The following TPST1 variants were observed in gnomAD, a reference collection of about 807,000 sequenced individuals.
TPST1 encodes the protein tyrosylprotein sulfotransferase 1.
TPST1 carries 20 observed loss-of-function variants against 34.8 expected under a neutral mutation model. The ratio of observed to expected loss-of-function variants is 0.57; its 90% CI spans 0.40 to 0.84. The LOEUF is 0.84. Ranked by LOEUF, TPST1 falls within the 40% of genes least tolerant of loss-of-function variation. TPST1 has a pLI of 0.00. For synonymous variants in TPST1, 152 were observed against 159.4 expected (o/e 0.95, Z 0.35); for missense variants, 353 against 455.5 (o/e 0.78, Z 2.05).
chr7:66,230,838 CAGGG>C (rs1789769764), intron 1 of TPST1, among the ~76,000 whole-genome samples: 1 of 152,160 alleles, frequency 6.6e-6, no homozygotes, highest in Admixed American at 6.5e-5. Flanking sequence ...TCTGTTTTGA[CAGGG>C]CGCTGATTGG....
intron 2 of TPST1, among the ~76,000 whole-genome samples, chr7:66,271,116 A>G (rs146271922): frequency 7.9e-5 from 12 of 152,116 alleles, no homozygotes; most frequent in Middle Eastern, 3.4e-3. Flanking sequence ...CCAATTTTAT[A>G]TGTTTCTATC....
chr7:66,345,607 A>G (rs775591006), intron 3 of TPST1, among the ~76,000 whole-genome samples: 1 of 151,778 alleles, frequency 6.6e-6, no homozygotes, highest in Non-Finnish European at 1.5e-5. Flanking sequence ...AACCTAGAGG[A>G]AAAAAAACAC....
intron 3 of TPST1, among the ~76,000 whole-genome samples, chr7:66,347,059 C>CTTTT (rs71051352): frequency 0.06 from 3,608 of 59,948 alleles, 1,244 homozygotes; most frequent in African/African-American, 0.1. Context: ...CTTTGCTTTT[C>CTTTT]TTTTTTTTTT....
intron 3 of TPST1, among the ~76,000 whole-genome samples, chr7:66,327,398 A>C (rs1275180854): frequency 1.3e-5 from 2 of 152,164 alleles, no homozygotes; most frequent in Non-Finnish European, 2.9e-5. Flanking sequence ...CCTGGTTGTA[A>C]GACTAGTCTT....
intron 3 of TPST1, among the ~76,000 whole-genome samples, chr7:66,348,864 G>A (rs1170456412): frequency 1.3e-5 from 2 of 152,200 alleles, no homozygotes; most frequent in Middle Eastern, 3.4e-3. Context: ...ATTTTTGCGT[G>A]AGCCTTTATT....
chr7:66,327,796 A>T (rs950208746), intron 3 of TPST1, among the ~76,000 whole-genome samples: 2 of 151,758 alleles, frequency 1.3e-5, no homozygotes, highest in Admixed American at 6.6e-5. Flanking sequence ...AAAAATGTAG[A>T]GTCCATAATG....
In TPST1 at chr7:66,241,216, C is replaced by T; in HGVS notation, c.791C>T (p.Ser264Leu). 1 of 1,613,934 alleles carries T rather than the reference C, an allele frequency of 6.2e-7. No individual in the cohort carries two copies. Among genetic ancestry groups the T allele is most frequent in the Non-Finnish European group, 8.5e-7 (1 of 1,179,902 alleles). The change falls in exon 2 of 6, where the codon TCA becomes TTA. Residue 264 changes from serine (S) to leucine (L), a missense_variant. Coordinates refer to ENST00000304842, the MANE Select transcript of TPST1 (RefSeq NM_003596.4). ...TTCCTCCAGATTCCATGGAACCACT[C>T]AGTATTGCACCATGAAGAGATGATT... ...LKFLQIPWNH[S>L]VLHHEEMIGK...
chr7:66,315,797 A>G (rs937128008), intron 3 of TPST1, among the ~76,000 whole-genome samples: 1 of 152,072 alleles, frequency 6.6e-6, no homozygotes, highest in Admixed American at 6.6e-5. Context: ...TCTAAGTTCA[A>G]TCAGGCAAGA....
chr7:66,251,254 A>T (rs1231243565), intron 2 of TPST1, among the ~76,000 whole-genome samples: 1 of 152,240 alleles, frequency 6.6e-6, no homozygotes, highest in African/African-American at 2.4e-5. Flanking sequence ...TATTATAATA[A>T]TAAGGATGAT....
At chr7:66,324,284 T>C (rs995343851) in intron 3 of TPST1, among the ~76,000 whole-genome samples, 2 of 152,140 alleles carry the variant, frequency 1.3e-5, no homozygotes, top group Non-Finnish European at 2.9e-5. Flanking sequence ...GTTACTCTTA[T>C]TGGAGGAAAG....
At chr7:66,307,898 G>A (rs1424979838) in intron 3 of TPST1, among the ~76,000 whole-genome samples, 1 of 152,182 alleles carries the variant, frequency 6.6e-6, no homozygotes, top group Non-Finnish European at 1.5e-5. Flanking sequence ...ATTATACATT[G>A]GTCATCATTT....
At chr7:66,262,090 C>T (rs1790500496) in intron 2 of TPST1, among the ~76,000 whole-genome samples, 1 of 152,188 alleles carries the variant, frequency 6.6e-6, no homozygotes, top group South Asian at 2.1e-4. Flanking sequence ...TTGCTGTCCA[C>T]CTGGTCAATG....
chr7:66,199,367 T>C, the TPST1 span, among the ~76,000 whole-genome samples: 1 of 143,706 alleles, frequency 7.0e-6, no homozygotes, highest in South Asian at 2.2e-4. Flanking sequence ...CAATCTCAGC[T>C]CACTGCAACC....
At chr7:66,213,926 T>C (rs1300473320) in intron 1 of TPST1, among the ~76,000 whole-genome samples, 3 of 152,262 alleles carry the variant, frequency 2.0e-5, no homozygotes, top group South Asian at 4.1e-4. Context: ...TTAGGAGTTA[T>C]AGATCATATT....
chr7:66,297,258 A>G (rs1791220771), intron 3 of TPST1, among the ~76,000 whole-genome samples: 1 of 152,168 alleles, frequency 6.6e-6, no homozygotes, highest in Non-Finnish European at 1.5e-5. Flanking sequence ...CCCTAGGTTC[A>G]TTATTTCCAA....
chr7:66,292,835 G>T (rs565595155), intron 3 of TPST1, among the ~76,000 whole-genome samples: 3 of 151,776 alleles, frequency 2.0e-5, no homozygotes, highest in South Asian at 4.2e-4. Context: ...GCTCACGCTG[G>T]GAGCTGTAGA....
At chr7:66,348,696 T>G (rs1792405674) in intron 3 of TPST1, among the ~76,000 whole-genome samples, 1 of 152,240 alleles carries the variant, frequency 6.6e-6, no homozygotes, top group Non-Finnish European at 1.5e-5. Context: ...CTCTGCTGTT[T>G]GTATAGGCAA....
chr7:66,356,202 G>A (rs1238407739), intron 4 of TPST1, among the ~76,000 whole-genome samples: 5 of 152,158 alleles, frequency 3.3e-5, no homozygotes, highest in Non-Finnish European at 7.3e-5. Context: ...TCGGTAAAGT[G>A]TAGTACTTAA....
intron 3 of TPST1, among the ~76,000 whole-genome samples, chr7:66,325,611 G>A (rs745903362): frequency 8.6e-5 from 13 of 151,538 alleles, no homozygotes; most frequent in Admixed American, 6.6e-4. Context: ...GTGCCACTGT[G>A]CCCAGCTGCC....
Sources: gnomAD v4.1 joint callset for allele counts (sites outside exome capture counted in the v4.1 genomes callset) on GRCh38, gnomAD v4.1.1 for gene constraint, MANE v1.5 for transcripts, NCBI Gene and HGNC (gene_info 2026-07-23, HGNC 2026-07-21) for gene names.